The following ADCY2 variants were observed in gnomAD, a reference collection of about 807,000 sequenced individuals.
ADCY2 encodes the protein adenylate cyclase type 2.
ADCY2 carries 31 observed loss-of-function variants against 125.2 expected under a neutral mutation model. That is an observed-to-expected ratio of 0.25 (90% CI 0.19 to 0.33). The LOEUF (loss-of-function observed/expected upper bound fraction) is 0.33. Among genes scored for constraint, ADCY2 ranks in the 10% least tolerant of loss-of-function variants. ADCY2 has a pLI of 1.00. For missense variants in ADCY2, 904 were observed against 1,418.2 expected, an observed-to-expected ratio of 0.64 and a Z score of 5.82; for synonymous variants, 512 against 548.4, an observed-to-expected ratio of 0.93 and a Z score of 0.93.
At chr5:7,669,098 T>G (rs1739850287) in intron 4 of ADCY2, among the ~76,000 whole-genome samples, 1 of 152,318 alleles carries the variant, frequency 6.6e-6, no homozygotes, top group South Asian at 2.1e-4. Flanking sequence ...CCTGAACTGC[T>G]GACACTTCTA....
intron 2 of ADCY2, among the ~76,000 whole-genome samples, chr5:7,475,390 T>C (rs374665722): frequency 6.6e-6 from 1 of 152,036 alleles, no homozygotes; most frequent in African/African-American, 2.4e-5. Context: ...TGAGATTTTT[T>C]TTTTTTTTTA....
chr5:7,634,688 T>C lies in ADCY2; in HGVS notation c.720+8372T>C, dbSNP rs184821664. Among the ~76,000 whole-genome samples the C allele has an allele frequency of 3.1e-3, 460 of 150,674 alleles. 1 individual carries two copies. Among genetic ancestry groups the C allele is most frequent in the Admixed American group, 5.8e-3 (87 of 15,080 alleles). ...ATGCAGAAAAGCCCTCTTGTCCTAT[T>C]TATCAAATTTACAGGTTTTTTTTTT... On this transcript the variant is annotated intron_variant, in intron 4 of 24. Transcript: ENST00000338316.
At chr5:7,781,893 G>A (rs1240745996) in intron 18 of ADCY2, among the ~76,000 whole-genome samples, 2 of 152,114 alleles carry the variant, frequency 1.3e-5, no homozygotes, top group African/African-American at 4.8e-5. Flanking sequence ...AAATGTCACT[G>A]AAACCATAGG....
intron 2 of ADCY2, among the ~76,000 whole-genome samples, chr5:7,469,801 C>T (rs1313063728): frequency 2.0e-5 from 3 of 151,754 alleles, no homozygotes; most frequent in Non-Finnish European, 4.4e-5. Flanking sequence ...GGAATAATAA[C>T]AAATTCACAA....
intron 3 of ADCY2, among the ~76,000 whole-genome samples, chr5:7,542,747 T>A (rs1579555683): frequency 6.6e-6 from 1 of 152,214 alleles, no homozygotes; most frequent in East Asian, 1.9e-4. Flanking sequence ...CATTTTTACT[T>A]AAAGTCAAAC....
intron 2 of ADCY2, among the ~76,000 whole-genome samples, chr5:7,432,981 G>A (rs941926583): frequency 2.0e-5 from 3 of 152,228 alleles, no homozygotes; most frequent in Admixed American, 6.5e-5. Context: ...TGGTGTATAG[G>A]ATTTTGTAGC....
intron 2 of ADCY2, among the ~76,000 whole-genome samples, chr5:7,454,775 G>T (rs910875985): frequency 3.3e-5 from 5 of 152,074 alleles, no homozygotes; most frequent in Non-Finnish European, 7.4e-5. Context: ...AGCTCATATT[G>T]TATCTTCAAT....
At chr5:7,603,784 C>CTTTTTTTTTTTTTTTTTTTTTTTTTTTG in intron 3 of ADCY2, among the ~76,000 whole-genome samples, 1 of 62,798 alleles carries the variant, frequency 1.6e-5, no homozygotes, top group Non-Finnish European at 2.7e-5. Flanking sequence ...TGCTCTCTTT[C>CTTTTTTTTTTTTTTTTTTTTTTTTTTTG]TTTTTTTTTT....
At chr5:7,489,868 C>A (rs954717150) in intron 2 of ADCY2, among the ~76,000 whole-genome samples, 2 of 152,088 alleles carry the variant, frequency 1.3e-5, no homozygotes, top group African/African-American at 2.4e-5. Context: ...GGTTAGCAGA[C>A]CTGAGCTGTC....
At chr5:7,463,802 G>A (rs923671722) in intron 2 of ADCY2, among the ~76,000 whole-genome samples, 5 of 152,112 alleles carry the variant, frequency 3.3e-5, no homozygotes, top group Admixed American at 6.5e-5. Flanking sequence ...ATGTTTCTTG[G>A]AGACAGTGGT....
At chr5:7,756,936 G>A (rs866381325) in intron 15 of ADCY2, among the ~76,000 whole-genome samples, 6 of 152,180 alleles carry the variant, frequency 3.9e-5, no homozygotes, top group South Asian at 2.1e-4. Flanking sequence ...ATCAAGCCTC[G>A]TGCCTGAGAT....
chr5:7,452,114 T>C (rs561623902), intron 2 of ADCY2, among the ~76,000 whole-genome samples: 3 of 152,278 alleles, frequency 2.0e-5, no homozygotes, highest in Admixed American at 1.3e-4. Context: ...AGTTTCACCA[T>C]GTTGGCCAGG....
At chr5:7,805,197 T>C (rs1306732264) in intron 22 of ADCY2, among the ~76,000 whole-genome samples, 2 of 151,158 alleles carry the variant, frequency 1.3e-5, no homozygotes, top group African/African-American at 2.4e-5. Flanking sequence ...TAGCATGCAC[T>C]TGTGGTCCCT....
At chr5:7,574,272 A>T (rs1736172295) in intron 3 of ADCY2, among the ~76,000 whole-genome samples, 1 of 150,044 alleles carries the variant, frequency 6.7e-6, no homozygotes. Flanking sequence ...TTGGGTATAT[A>T]CCCAGTAATG....
At chr5:7,663,753 G>T (rs1160562556) in intron 4 of ADCY2, among the ~76,000 whole-genome samples, 1 of 152,202 alleles carries the variant, frequency 6.6e-6, no homozygotes, top group Non-Finnish European at 1.5e-5. Flanking sequence ...TAGGCTTGGG[G>T]TCGGGATTCT....
At position 7,613,831 on chromosome 5, in the gene ADCY2, AACCATTCCTATT is replaced by A. The variant is rs1239513124; in HGVS notation, c.571-12333_571-12322del. On this transcript the variant is annotated intron_variant, in intron 3 of 24. Coordinates refer to ENST00000338316, the MANE Select transcript of ADCY2 (RefSeq NM_020546.3). ...AATCCAAGAGGCTCACCAATAACAA[AACCATTCCTATT>A]ACTCAGGATAGCCCAAGGATTTAAT... Among the ~76,000 whole-genome samples the A allele has an allele frequency of 3.3e-5, 5 of 152,304 alleles. No homozygotes were observed. In the South Asian group the frequency reaches 6.2e-4, roughly 19 times the overall value.
At position 7,400,754 on chromosome 5, in the gene ADCY2, T is replaced by C. The variant is rs568628742; in HGVS notation, c.210+4248T>C. 2.6e-5 allele frequency among the ~76,000 whole-genome samples: 4 copies of C among 152,258 alleles called. No individual in the cohort carries two copies. The South Asian group carries it at 8.3e-4, about 31-fold the overall frequency. On this transcript the variant is annotated intron_variant, in intron 1 of 24. Coordinates refer to ENST00000338316, the MANE Select transcript of ADCY2 (RefSeq NM_020546.3). ...AGATTCATCTTTTTATGCATTTCTA[T>C]ACACGCAGGAAATCTTACTCTGCAG... is the stretch of plus-strand genomic sequence containing the variant.
chr5:7,658,431 G>GTATATA lies in ADCY2; in HGVS notation c.720+32125_720+32130dup, dbSNP rs1554029046. ...TGTGTGTGTGTGTGTGTGTGTGTGT[G>GTATATA]TATATATATATATATTTGAGATGGA... On this transcript the variant is annotated intron_variant, in intron 4 of 24. Transcript: ENST00000338316. Among the ~76,000 whole-genome samples the GTATATA allele has an allele frequency of 8.6e-3, 1,231 of 142,974 alleles. 6 individuals are homozygous for GTATATA. The highest frequency in any genetic ancestry group is 0.011 in the Non-Finnish European group (734 of 65,896). The allele number at this position is 142,974 out of a possible 152,430, so 93.8% of individuals were successfully genotyped here.
chr5:7,706,964 T>C, intron 8 of ADCY2, 62 bp downstream of exon 8: 1 of 1,595,698 alleles, frequency 6.3e-7, no homozygotes, highest in Non-Finnish European at 8.6e-7. Context: ...TGACAGATTA[T>C]CAGCCTAATG....
Sources: gnomAD v4.1 joint callset for allele counts (sites outside exome capture counted in the v4.1 genomes callset) on GRCh38, gnomAD v4.1.1 for gene constraint, MANE v1.5 for transcripts, NCBI Gene and HGNC (gene_info 2026-07-23, HGNC 2026-07-21) for gene names.